The following PCLO variants were observed in gnomAD, a reference collection of about 807,000 sequenced individuals.
PCLO encodes piccolo presynaptic cytomatrix protein.
In PCLO, 82 loss-of-function variants were observed where a neutral mutation model predicts 427.5. The observed-to-expected ratio is 0.19, with a 90% CI of 0.16 to 0.23. The LOEUF (loss-of-function observed/expected upper bound fraction) is 0.23, where lower values mean the gene tolerates loss of function less well. PCLO is among the 10% of genes least tolerant of loss of function. PCLO has a pLI of 1.00. For missense variants in PCLO, 6,239 were observed against 6,115.9 expected (o/e 1.02, Z -0.67); for synonymous variants, 2,357 against 2,155.4 (o/e 1.09, Z -2.59).
chr7:82,820,262 G>A (rs1791760910), intron 20 of PCLO, among the ~76,000 whole-genome samples: 1 of 152,152 alleles, frequency 6.6e-6, no homozygotes, highest in Admixed American at 6.6e-5. Flanking sequence ...ACATTTTAAT[G>A]CAATCTCTGA....
intron 3 of PCLO, among the ~76,000 whole-genome samples, chr7:83,124,903 C>T (rs1397667451): frequency 3.3e-5 from 5 of 152,270 alleles, no homozygotes; most frequent in African/African-American, 4.8e-5. Flanking sequence ...TGCAGGCGCA[C>T]GCCGCCACGC....
chr7:82,945,793 A>G (rs1795188650), intron 6 of PCLO, among the ~76,000 whole-genome samples: 2 of 152,226 alleles, frequency 1.3e-5, no homozygotes, highest in Non-Finnish European at 2.9e-5. Flanking sequence ...ACAAGCAAGA[A>G]TTGAATTTTA....
intron 3 of PCLO, among the ~76,000 whole-genome samples, chr7:83,060,646 C>T (rs770990911): frequency 1.4e-4 from 22 of 152,130 alleles, no homozygotes; most frequent in Non-Finnish European, 2.8e-4. Context: ...TCAATTCCTT[C>T]GATTTTACTC....
intron 8 of PCLO, among the ~76,000 whole-genome samples, chr7:82,904,625 C>T (rs1341520707): frequency 3.3e-5 from 5 of 151,818 alleles, no homozygotes; most frequent in Non-Finnish European, 1.5e-5. Flanking sequence ...TAAGAAAACA[C>T]AATTTTGCCT....
At position 82,902,732 on chromosome 7, in the gene PCLO, T is replaced by C; in HGVS notation, c.13447A>G (p.Met4483Val). ...LSQHQEQIIQMNGKTMHYIFP... is the reference protein window; with the variant it reads ...LSQHQEQIIQVNGKTMHYIFP... ...ATGTAGTGCATAGTTTTCCCGTTCA[T>C]CTGTATAATCTAAGACATACATGTA... Residue 4483 changes from methionine (M) to valine (V), a missense_variant, in exon 9 of 25, where the codon ATG (methionine) becomes GTG (valine). By Grantham distance (21) the Met-to-Val change is conservative (BLOSUM62 1). Around this residue, in one of 5 missense-constraint regions of PCLO, gnomAD observed 877 missense variants for 925.5 expected, o/e 0.95. Coordinates refer to ENST00000333891, the MANE Select transcript of PCLO (RefSeq NM_033026.6). 6.4e-7 allele frequency: 1 copy of C among 1,569,586 alleles called. No homozygotes were observed.
chr7:83,086,967 G>A (rs959495313), intron 3 of PCLO, among the ~76,000 whole-genome samples: 12 of 148,686 alleles, frequency 8.1e-5, no homozygotes, highest in Non-Finnish European at 1.3e-4. Flanking sequence ...CTATCGCAAG[G>A]ACAAAAAACC....
Position 82,949,967 on chromosome 7 carries a change from C to A in PCLO, c.10621G>T (p.Ala3541Ser). ...VGTIRTPSIR[A>S]RVDAKVEIIK... ...ATTTCTACCTTGGCATCCACTCGTG[C>A]CCGTATGGAGGGTGTTCTTATGGTT... The change falls in exon 6 of 25, where the codon GCA becomes TCA. Residue 3541 changes from alanine (A) to serine (S), a missense_variant. Physicochemically the swap from Ala to Ser is moderately conservative, Grantham distance 99 (BLOSUM62 1). This residue lies in a region of PCLO where 4,677 missense variants were observed against 4,468.4 expected (regional missense o/e 1.05). Coordinates refer to ENST00000333891, the MANE Select transcript of PCLO (RefSeq NM_033026.6). 1 of 1,613,464 alleles carries A rather than the reference C, an allele frequency of 6.2e-7. No homozygotes were observed. The highest frequency in any genetic ancestry group is 8.5e-7 in the Non-Finnish European group (1 of 1,179,790).
intron 3 of PCLO, among the ~76,000 whole-genome samples, chr7:83,067,330 T>G (rs759384604): frequency 6.6e-6 from 1 of 152,202 alleles, no homozygotes; most frequent in Admixed American, 6.5e-5. Flanking sequence ...CTTCCTCCTT[T>G]GTCTTCCCAC....
At chr7:82,832,800 TACACACACACACACACACACAC>T (rs10645073) in intron 16 of PCLO, among the ~76,000 whole-genome samples, 1 of 140,614 alleles carries the variant, frequency 7.1e-6, no homozygotes, top group Non-Finnish European at 1.5e-5. Flanking sequence ...CTAAACTTAC[TACACACACACACACACACACAC>T]ACACACACAC....
intron 4 of PCLO, among the ~76,000 whole-genome samples, chr7:82,963,157 C>A (rs1201967255): frequency 6.6e-6 from 1 of 151,878 alleles, no homozygotes; most frequent in South Asian, 2.1e-4. Flanking sequence ...GTGGAAACAG[C>A]TCTTTGAAGA....
intron 4 of PCLO, among the ~76,000 whole-genome samples, chr7:82,963,687 ATCATTAT>A (rs1795702293): frequency 1.3e-5 from 2 of 152,214 alleles, no homozygotes; most frequent in South Asian, 4.1e-4. Flanking sequence ...TCTCTAAAAT[ATCATTAT>A]TAAACACCTT....
chr7:82,845,373 AG>A lies in PCLO; in HGVS notation c.13943del (p.Ser4648PhefsTer26). 6.2e-7 allele frequency: 1 copy of A among 1,613,430 alleles called. No individual in the cohort carries two copies. The highest frequency in any genetic ancestry group is 8.5e-7 in the Non-Finnish European group (1 of 1,179,632). On this transcript the variant is annotated frameshift_variant, in exon 13 of 25. Transcript: ENST00000333891. LOFTEE classifies it high-confidence loss of function. ...LVLSSVVEKG[S>X]HVHSGPTSAG... ...CTGATGTAGGACCTGAATGAACATG[AG>A]ATCCTTTTTCAACAACTGATGACAG...
intron 9 of PCLO, chr7:82,894,524 A>C (rs1163903109): frequency 6.6e-6 from 1 of 152,196 alleles, no homozygotes; most frequent in Non-Finnish European, 1.5e-5. Flanking sequence ...AGATCTCATG[A>C]GACTTATTCA....
Position 83,007,123 on chromosome 7 carries a change from T to C in PCLO, c.3301-40636A>G, listed in dbSNP as rs188997606. On this transcript the variant is annotated intron_variant, in intron 3 of 24. Coordinates refer to ENST00000333891, the MANE Select transcript of PCLO (RefSeq NM_033026.6). ...ATTAGTAGGGCCTCAATAAAAAAGT[T>C]ATTGGAATAGTGATATGGACTTAAA... Among the ~76,000 whole-genome samples the C allele has an allele frequency of 2.4e-4, 37 of 151,716 alleles. 1 individual carries two copies. In the East Asian group the frequency reaches 5.0e-3, roughly 21 times the overall value.
intron 2 of PCLO, among the ~76,000 whole-genome samples, chr7:83,150,059 A>G (rs186817505): frequency 1.3e-5 from 2 of 152,346 alleles, no homozygotes; most frequent in Non-Finnish European, 2.9e-5. Flanking sequence ...TTCATTTTCA[A>G]CATTCTGAAA....
intron 3 of PCLO, among the ~76,000 whole-genome samples, chr7:83,117,450 G>A (rs1049077943): frequency 6.6e-6 from 1 of 152,160 alleles, no homozygotes; most frequent in African/African-American, 2.4e-5. Context: ...ACATCTTGCT[G>A]TTTATGTCAA....
intron 3 of PCLO, among the ~76,000 whole-genome samples, chr7:83,060,781 T>C (rs1246242017): frequency 1.3e-5 from 2 of 152,306 alleles, no homozygotes; most frequent in African/African-American, 2.4e-5. Context: ...CTCTTTTCCT[T>C]GTTAGCCACA....
intron 7 of PCLO, chr7:82,914,324 A>C (rs185571596): frequency 2.1e-6 from 1 of 468,020 alleles, no homozygotes; most frequent in Admixed American, 3.8e-5. Context: ...CTTTTAAAAT[A>C]TATTTTTAAA....
At chr7:83,109,708 G>A (rs2116518205) in intron 3 of PCLO, among the ~76,000 whole-genome samples, 1 of 152,098 alleles carries the variant, frequency 6.6e-6, no homozygotes, top group African/African-American at 2.4e-5. Flanking sequence ...AAGACAAAAA[G>A]CAAAGAACAA....
Sources: allele counts gnomAD v4.1 joint callset (sites outside exome capture counted in the v4.1 genomes callset), GRCh38; gene constraint gnomAD v4.1.1; regional missense constraint gnomAD v4.1.1; transcripts MANE v1.5; gene names NCBI Gene and HGNC (gene_info 2026-07-23, HGNC 2026-07-21).